Variants in SLC38A11 observed in about 807,000 individuals in gnomAD.
SLC38A11 encodes the protein solute carrier family 38 member 11, also known as putative sodium-coupled neutral amino acid transporter 11.
A neutral mutation model predicts 49.4 loss-of-function variants in SLC38A11; 51 were observed. That is an observed-to-expected ratio of 1.03 (90% CI 0.83 to 1.30). The LOEUF (loss-of-function observed/expected upper bound fraction) is 1.30, where lower values mean the gene tolerates loss of function less well. Among genes scored for constraint, SLC38A11 ranks in the 50% most tolerant of loss-of-function variants. SLC38A11 has a pLI of 0.00. For missense variants in SLC38A11, 574 were observed against 556.2 expected (o/e 1.03, Z -0.32); for synonymous variants, 203 against 192.9 (o/e 1.05, Z -0.43).
intron 6 of SLC38A11, among the ~76,000 whole-genome samples, chr2:164,938,573 G>A (rs1379518226): frequency 1.3e-5 from 2 of 152,122 alleles, no homozygotes; most frequent in African/African-American, 4.8e-5. Context: ...TCACAGAAAA[G>A]CATGTTTTGA....
intron 5 of SLC38A11, among the ~76,000 whole-genome samples, chr2:164,943,556 G>C (rs1175126394): frequency 6.6e-6 from 1 of 152,210 alleles, no homozygotes; most frequent in East Asian, 1.9e-4. Flanking sequence ...AAACTGTAGG[G>C]AGAGAAATCT....
At position 164,955,383 on chromosome 2, in the gene SLC38A11, G is replaced by C. The variant is rs1355115548; in HGVS notation, c.-136C>G. Reference sequence around the variant, plus strand: ...AGAGCTGCAGGGAGCCAGTTCCACGGGCGCCCCCTGCTCCCTCGGCAGGCC... The same window carrying C: ...AGAGCTGCAGGGAGCCAGTTCCACGCGCGCCCCCTGCTCCCTCGGCAGGCC... On this transcript the variant is annotated 5_prime_UTR_variant, in exon 1 of 12. Transcript: ENST00000685975. 3 of 810,844 alleles carry C rather than the reference G, an allele frequency of 3.7e-6. No individual in the cohort carries two copies. Among genetic ancestry groups the C allele is most frequent in the African/African-American group, 1.7e-5 (1 of 58,108 alleles). The allele number at this position is 810,844 out of a possible 1,614,324, so 50.2% of individuals were successfully genotyped here.
intron 7 of SLC38A11, among the ~76,000 whole-genome samples, chr2:164,929,539 T>C (rs1209759905): frequency 6.6e-6 from 1 of 152,138 alleles, no homozygotes; most frequent in African/African-American, 2.4e-5. Flanking sequence ...TAGGTTGAGA[T>C]TGCTGCTACC....
At chr2:164,929,771 A>G (rs1360113077) in intron 7 of SLC38A11, among the ~76,000 whole-genome samples, 1 of 152,106 alleles carries the variant, frequency 6.6e-6, no homozygotes, top group Non-Finnish European at 1.5e-5. Flanking sequence ...AAGGATGATA[A>G]TTTATACATC....
At chr2:164,905,930 T>G (rs924864515) in intron 11 of SLC38A11, among the ~76,000 whole-genome samples, 6 of 152,244 alleles carry the variant, frequency 3.9e-5, no homozygotes, top group African/African-American at 1.4e-4. Flanking sequence ...ACCAAAACAG[T>G]TTTCAATATA....
chr2:164,954,323 G>C (rs1688708279), intron 2 of SLC38A11, among the ~76,000 whole-genome samples: 1 of 152,110 alleles, frequency 6.6e-6, no homozygotes, highest in African/African-American at 2.4e-5. Flanking sequence ...GGTAACACTA[G>C]CAATCAACCA....
chr2:164,944,513 A>G, intron 5 of SLC38A11, 56 bp downstream of exon 5: 1 of 773,994 alleles, frequency 1.3e-6, no homozygotes, highest in Non-Finnish European at 1.8e-6. Flanking sequence ...TGTTAACTAT[A>G]AATAACTATA....
In SLC38A11 at chr2:164,896,965, C is replaced by T. The variant is rs1684388497; in HGVS notation, c.*1472G>A. On this transcript the variant is annotated 3_prime_UTR_variant, in exon 12 of 12. Transcript: ENST00000685975. ...GTATTAACTCTGCTTGTGATAGTTT[C>T]TCGTTATTTGGCAACAATTAATATA... 1 of 151,892 alleles carries T rather than the reference C, an allele frequency of 6.6e-6. No homozygotes were observed. The allele number at this position is 151,892 out of a possible 1,614,324, so 9.4% of individuals were successfully genotyped here.
chr2:164,911,154 A>C (rs900059258), intron 10 of SLC38A11, among the ~76,000 whole-genome samples: 1 of 152,082 alleles, frequency 6.6e-6, no homozygotes, highest in Non-Finnish European at 1.5e-5. Flanking sequence ...GGAATATAAG[A>C]TATTTTAGTT....
At chr2:164,915,645 C>A in intron 8 of SLC38A11, 1 of 446,284 alleles carries the variant, frequency 2.2e-6, no homozygotes, top group South Asian at 6.1e-5. Flanking sequence ...CACTTGCTAG[C>A]CTTCCAAGTT....
rs138840130 is a variant in SLC38A11, at chr2:164,925,397, T to C, written c.618-9424A>G. 4.7e-3 allele frequency among the ~76,000 whole-genome samples: 713 copies of C among 152,268 alleles called. 8 individuals carry two copies. Among genetic ancestry groups the C allele is most frequent in the African/African-American group, 0.016 (662 of 41,558 alleles). On this transcript the variant is annotated intron_variant, in intron 7 of 11. Coordinates refer to ENST00000685975, the MANE Select transcript of SLC38A11 (RefSeq NM_001351537.2). ...CATGTGAATTTAAACTAAAAATAAATGTAACTTCAGATGTGATGTCCAGAT... is the reference window on the plus strand; with the variant it reads ...CATGTGAATTTAAACTAAAAATAAACGTAACTTCAGATGTGATGTCCAGAT...
rs1277100913 is a variant in SLC38A11 at position 164,954,752 on chromosome 2, G to C, written c.40-7C>G. On this transcript the variant is annotated splice_polypyrimidine_tract_variant and splice_region_variant and intron_variant, in intron 1 of 11. Transcript: ENST00000685975. ...CTCTGTCATCTAAATCTCTCTAATA[G>C]ATAAAATAGCAATTATAAGCAAATA... 1 of 1,415,410 alleles carries C rather than the reference G, an allele frequency of 7.1e-7. No homozygotes were observed. The allele number at this position is 1,415,410 out of a possible 1,614,324, so 87.7% of individuals were successfully genotyped here.
chr2:164,916,175 G>A (rs1685771568), intron 7 of SLC38A11, among the ~76,000 whole-genome samples: 1 of 152,038 alleles, frequency 6.6e-6, no homozygotes, highest in Non-Finnish European at 1.5e-5. Flanking sequence ...CCTCTAAAAT[G>A]TATGTCAAAT....
chr2:164,920,234 C>CCACTG (rs1333832761), intron 7 of SLC38A11, among the ~76,000 whole-genome samples: 1 of 150,282 alleles, frequency 6.7e-6, no homozygotes, highest in Non-Finnish European at 1.5e-5. Flanking sequence ...AGATTGTGCC[C>CCACTG]CACTGCACTC....
At chr2:164,942,814 A>G (rs1687871525) in intron 5 of SLC38A11, among the ~76,000 whole-genome samples, 1 of 152,158 alleles carries the variant, frequency 6.6e-6, no homozygotes, top group African/African-American at 2.4e-5. Context: ...GCTAGGAACT[A>G]CCTGTCTCAC....
chr2:164,951,639 G>A (rs1362610804), intron 3 of SLC38A11, among the ~76,000 whole-genome samples: 1 of 152,204 alleles, frequency 6.6e-6, no homozygotes, highest in African/African-American at 2.4e-5. Context: ...TGTTGGGCAG[G>A]TCTTGGAAGC....
At position 164,908,658 on chromosome 2, in the gene SLC38A11, C is replaced by T. The variant is rs370173748; in HGVS notation, c.1077G>A (p.Gly359=). ...TACTCACATTGAGTTCTAGAACTATCCCGAGGCAATCAATCAGCAATGACA... is the reference window on the plus strand; with the variant it reads ...TACTCACATTGAGTTCTAGAACTATTCCGAGGCAATCAATCAGCAATGACA... ...TLVSLLIDCL[G]IVLELNGVLC... Residue 359 remains glycine, a synonymous_variant, in exon 11 of 12, where the codon GGG becomes GGA. Coordinates refer to ENST00000685975, the MANE Select transcript of SLC38A11 (RefSeq NM_001351537.2). 386 of 1,602,400 alleles carry T rather than the reference C, an allele frequency of 2.4e-4. No individual in the cohort carries two copies. Among genetic ancestry groups the T allele is most frequent in the Non-Finnish European group, 3.1e-4 (359 of 1,173,736 alleles).
chr2:164,940,026 C>T (rs1687648620), intron 5 of SLC38A11, among the ~76,000 whole-genome samples: 1 of 143,194 alleles, frequency 7.0e-6, no homozygotes, highest in Admixed American at 7.0e-5. Flanking sequence ...ACGCAAGAGA[C>T]TTGGACACTA....
At chr2:164,933,326 C>A (rs2105490197) in intron 7 of SLC38A11, among the ~76,000 whole-genome samples, 1 of 151,980 alleles carries the variant, frequency 6.6e-6, no homozygotes, top group Middle Eastern at 3.4e-3. Context: ...TATACTAGCA[C>A]ACTTTCTGAA....
Sources: allele counts gnomAD v4.1 joint callset (sites outside exome capture counted in the v4.1 genomes callset), GRCh38; gene constraint gnomAD v4.1.1; transcripts MANE v1.5; gene names NCBI Gene and HGNC (gene_info 2026-07-23, HGNC 2026-07-21).